FOXP2: variants seen among roughly 807,000 people sequenced by gnomAD.
FOXP2 encodes the protein forkhead box protein P2.
In FOXP2, 12 loss-of-function variants were observed where a neutral mutation model predicts 115.8. The ratio of observed to expected loss-of-function variants is 0.10; its 90% CI spans 0.07 to 0.17. FOXP2 has a LOEUF of 0.17. Among genes scored for constraint, FOXP2 ranks in the 10% least tolerant of loss-of-function variants. FOXP2 has a pLI of 1.00. For missense variants in FOXP2, 629 were observed against 843.5 expected (o/e 0.75, Z 3.15); for synonymous variants, 328 against 297.7 (o/e 1.10, Z -1.05).
chr7:114,553,085 A>T (rs1800291026), intron 3 of FOXP2, among the ~76,000 whole-genome samples: 1 of 152,080 alleles, frequency 6.6e-6, no homozygotes. Context: ...AAAAAAACTG[A>T]CAAAGTATTT....
At chr7:114,284,829 A>G (rs535126158) in intron 1 of FOXP2, among the ~76,000 whole-genome samples, 2 of 152,204 alleles carry the variant, frequency 1.3e-5, no homozygotes, top group Non-Finnish European at 2.9e-5. Context: ...ACAGTAGACC[A>G]TGGAATACTA....
intron 2 of FOXP2, among the ~76,000 whole-genome samples, chr7:114,333,823 G>C (rs536203162): frequency 4.9e-4 from 75 of 152,070 alleles, no homozygotes; most frequent in African/African-American, 1.0e-3. Context: ...AGTAGGCATA[G>C]GGTGCATTGA....
intron 1 of FOXP2, among the ~76,000 whole-genome samples, chr7:114,106,211 A>T (rs1368533635): frequency 1.3e-5 from 2 of 152,084 alleles, no homozygotes; most frequent in East Asian, 3.8e-4. Flanking sequence ...TGTAAAATAT[A>T]GACAAAATAA....
intron 3 of FOXP2, chr7:114,570,735 T>G: frequency 9.1e-7 from 1 of 1,103,110 alleles, no homozygotes; most frequent in Non-Finnish European, 1.4e-6. Context: ...TTAAAAATGA[T>G]AATGTACGTT....
At chr7:114,216,301 A>G (rs990602925) in intron 1 of FOXP2, among the ~76,000 whole-genome samples, 2 of 152,124 alleles carry the variant, frequency 1.3e-5, no homozygotes, top group East Asian at 3.9e-4. Context: ...CAATTATACT[A>G]TGAATTTTTC....
At chr7:114,678,628 T>C (rs188666274) in intron 16 of FOXP2, among the ~76,000 whole-genome samples, 298 of 128,678 alleles carry the variant, frequency 2.3e-3, no homozygotes, top group African/African-American at 7.2e-3. Flanking sequence ...AGTTTTAAAA[T>C]ACATTTTTCC....
At chr7:114,123,733 G>A (rs1036979781) in intron 1 of FOXP2, among the ~76,000 whole-genome samples, 9 of 151,992 alleles carry the variant, frequency 5.9e-5, no homozygotes, top group South Asian at 4.2e-4. Flanking sequence ...AAAATATTCA[G>A]TATGTAATAT....
intron 16 of FOXP2, among the ~76,000 whole-genome samples, chr7:114,681,400 A>G (rs1409774992): frequency 1.3e-5 from 2 of 152,164 alleles, no homozygotes; most frequent in East Asian, 1.9e-4. Context: ...AGTCATATTA[A>G]GTTAATCTAT....
chr7:114,141,141 C>G (rs1311462124), intron 1 of FOXP2, among the ~76,000 whole-genome samples: 4 of 151,946 alleles, frequency 2.6e-5, no homozygotes, highest in Admixed American at 2.6e-4. Flanking sequence ...AAAGAAAGGC[C>G]CATATTTACC....
intron 2 of FOXP2, among the ~76,000 whole-genome samples, chr7:114,301,275 T>G (rs1796873266): frequency 6.6e-6 from 1 of 152,120 alleles, no homozygotes; most frequent in African/African-American, 2.4e-5. Context: ...AAGTTCATTC[T>G]ATATTAAGAA....
At chr7:114,298,997 A>C (rs181304172) in intron 2 of FOXP2, among the ~76,000 whole-genome samples, 13 of 152,320 alleles carry the variant, frequency 8.5e-5, no homozygotes, top group Admixed American at 7.8e-4. Flanking sequence ...TGTTTCAGTC[A>C]ACTGAAAGGG....
chr7:114,647,658 G>A (rs574689217), intron 8 of FOXP2, among the ~76,000 whole-genome samples: 33 of 152,008 alleles, frequency 2.2e-4, no homozygotes, highest in South Asian at 1.4e-3. Context: ...TATCTCACTA[G>A]ATCACTAAAA....
intron 3 of FOXP2, among the ~76,000 whole-genome samples, chr7:114,564,976 A>G (rs73208668): frequency 0.025 from 3,737 of 151,658 alleles, 64 homozygotes; most frequent in Non-Finnish European, 0.038. Context: ...ATACTATTAT[A>G]TCTTATTTAA....
intron 15 of FOXP2, among the ~76,000 whole-genome samples, chr7:114,663,738 G>A (rs546094604): frequency 7.9e-5 from 12 of 152,124 alleles, no homozygotes; most frequent in Middle Eastern, 3.4e-3. Flanking sequence ...TGGAACATTC[G>A]GTTTTTCTGC....
chr7:114,642,660 T>G (rs757369532), intron 7 of FOXP2, 37 bp downstream of exon 7: 11 of 1,585,214 alleles, frequency 6.9e-6, no homozygotes, highest in Non-Finnish European at 9.5e-6. Flanking sequence ...TTTATCTATT[T>G]TCAGATTTTA....
intron 2 of FOXP2, among the ~76,000 whole-genome samples, chr7:114,519,201 G>A (rs904495515): frequency 6.6e-6 from 1 of 152,126 alleles, no homozygotes; most frequent in Non-Finnish European, 1.5e-5. Flanking sequence ...CAATACCATA[G>A]AAGCTCAAAT....
At chr7:114,597,201 T>A (rs1238452276) in intron 3 of FOXP2, among the ~76,000 whole-genome samples, 1 of 151,968 alleles carries the variant, frequency 6.6e-6, no homozygotes, top group Non-Finnish European at 1.5e-5. Context: ...AAGGTTAGAG[T>A]TACTAACTCT....
At chr7:114,611,826 T>G (rs2129318444) in intron 3 of FOXP2, among the ~76,000 whole-genome samples, 2 of 152,290 alleles carry the variant, frequency 1.3e-5, no homozygotes, top group Middle Eastern at 3.4e-3. Flanking sequence ...GGCTACCATA[T>G]GGTCTTAATG....
chr7:114,320,890 C>T (rs867905388), intron 2 of FOXP2, among the ~76,000 whole-genome samples: 12 of 152,322 alleles, frequency 7.9e-5, no homozygotes, highest in Middle Eastern at 3.4e-3. Flanking sequence ...GCAAGCCCTA[C>T]CTTCATCAAT....
Sources: gnomAD v4.1 joint callset for allele counts (sites outside exome capture counted in the v4.1 genomes callset) on GRCh38, gnomAD v4.1.1 for gene constraint, MANE v1.5 for transcripts, NCBI Gene and HGNC (gene_info 2026-07-23, HGNC 2026-07-21) for gene names.